NT5DC3: variants seen among roughly 807,000 people sequenced by gnomAD.
The protein encoded by NT5DC3 is 5'-nucleotidase domain-containing protein 3.
A neutral mutation model predicts 67.8 loss-of-function variants in NT5DC3; 42 were observed. That is an observed-to-expected ratio of 0.62 (90% CI 0.48 to 0.80). The LOEUF is 0.80. Among genes scored for constraint, NT5DC3 ranks in the 30% least tolerant of loss-of-function variants. NT5DC3 has a pLI of 0.00. For missense variants in NT5DC3, 570 were observed against 696.4 expected, an observed-to-expected ratio of 0.82 and a Z score of 2.04; for synonymous variants, 237 against 255.6, an observed-to-expected ratio of 0.93 and a Z score of 0.69.
At chr12:103,837,476 A>C (rs1393835146) in intron 1 of NT5DC3, among the ~76,000 whole-genome samples, 2 of 152,206 alleles carry the variant, frequency 1.3e-5, no homozygotes, top group African/African-American at 4.8e-5. Flanking sequence ...TCAGCCTGCA[A>C]ATTTTCGGAG....
At chr12:103,820,701 A>C (rs957103899) in intron 1 of NT5DC3, 7 of 152,178 alleles carry the variant, frequency 4.6e-5, no homozygotes, top group African/African-American at 1.7e-4. Flanking sequence ...AATGTTTTAA[A>C]AAAATATGAT....
the NT5DC3 span, among the ~76,000 whole-genome samples, chr12:103,756,198 G>A: frequency 2.0e-5 from 3 of 152,294 alleles, no homozygotes; most frequent in Non-Finnish European, 2.9e-5. Context: ...GTCAATTTGC[G>A]TCTTGCACTG....
chr12:103,765,973 T>A (rs1191284119), downstream of NT5DC3: 5 of 467,512 alleles, frequency 1.1e-5, no homozygotes, highest in Non-Finnish European at 2.0e-5. Flanking sequence ...TTGCTAAATG[T>A]AGGCTCTAAT....
intron 1 of NT5DC3, among the ~76,000 whole-genome samples, chr12:103,824,443 A>T (rs1041283938): frequency 5.3e-5 from 8 of 152,144 alleles, no homozygotes; most frequent in Admixed American, 2.0e-4. Flanking sequence ...ATCCTTATGT[A>T]AGAAGTGACT....
intron 11 of NT5DC3, 118 bp downstream of exon 11, chr12:103,787,323 G>A (rs934829297): frequency 3.0e-5 from 14 of 464,274 alleles, no homozygotes; most frequent in Non-Finnish European, 4.8e-5. Flanking sequence ...GCATAAAGAT[G>A]ACCTTAAATA....
intron 12 of NT5DC3, among the ~76,000 whole-genome samples, chr12:103,784,347 A>C (rs1478290506): frequency 2.6e-5 from 4 of 152,350 alleles, no homozygotes; most frequent in African/African-American, 7.2e-5. Context: ...CCTGGAAACA[A>C]GGCCCAGGGG....
chr12:103,824,209 T>C (rs1887599612), intron 1 of NT5DC3, among the ~76,000 whole-genome samples: 2 of 152,210 alleles, frequency 1.3e-5, no homozygotes, highest in African/African-American at 4.8e-5. Context: ...AAGGCCAAGG[T>C]TGAGATGACA....
chr12:103,760,449 T>TG, the NT5DC3 span, among the ~76,000 whole-genome samples: 1 of 152,118 alleles, frequency 6.6e-6, no homozygotes, highest in African/African-American at 2.4e-5. Flanking sequence ...TTAATAGAGA[T>TG]GGGGTTTTGC....
intron 1 of NT5DC3, among the ~76,000 whole-genome samples, chr12:103,833,762 G>C (rs948228569): frequency 6.6e-6 from 1 of 151,530 alleles, no homozygotes; most frequent in African/African-American, 2.4e-5. Flanking sequence ...TATAAGGTTG[G>C]AGCAACCCGT....
chr12:103,787,073 C>T (rs571314539), intron 11 of NT5DC3, among the ~76,000 whole-genome samples: 16 of 152,154 alleles, frequency 1.1e-4, no homozygotes, highest in South Asian at 4.2e-4. Context: ...ATATTCCCAA[C>T]GGTGGCAAAC....
intron 1 of NT5DC3, among the ~76,000 whole-genome samples, chr12:103,823,023 C>T (rs1202310239): frequency 2.0e-5 from 3 of 152,018 alleles, no homozygotes; most frequent in Admixed American, 6.6e-5. Flanking sequence ...CTTGAAAATC[C>T]TTAAAAGTTC....
chr12:103,807,954 G>C (rs113337115), intron 2 of NT5DC3, among the ~76,000 whole-genome samples: 2 of 152,060 alleles, frequency 1.3e-5, no homozygotes, highest in African/African-American at 2.4e-5. Context: ...TAAATTACCC[G>C]GCCTTGGGTA....
chr12:103,799,376 T>A (rs1340833913), intron 4 of NT5DC3, among the ~76,000 whole-genome samples: 1 of 152,176 alleles, frequency 6.6e-6, no homozygotes, highest in Non-Finnish European at 1.5e-5. Context: ...CCGGAGCTGT[T>A]TCCCCCATGC....
At chr12:103,763,781 T>C in the NT5DC3 span, 27 of 585,116 alleles carry the variant, frequency 4.6e-5, no homozygotes, top group Admixed American at 1.3e-4. Context: ...GTGTGGTTGC[T>C]CAGAGTTCCT....
chr12:103,783,277 C>G (rs887789586), intron 12 of NT5DC3, among the ~76,000 whole-genome samples: 4 of 152,138 alleles, frequency 2.6e-5, no homozygotes, highest in African/African-American at 4.8e-5. Flanking sequence ...TGAATCCAAC[C>G]TGACAGAACT....
At chr12:103,817,231 A>T (rs1253040011) in intron 1 of NT5DC3, among the ~76,000 whole-genome samples, 1 of 152,170 alleles carries the variant, frequency 6.6e-6, no homozygotes, top group African/African-American at 2.4e-5. Flanking sequence ...TCAAAGACTG[A>T]GCAATAGATT....
chr12:103,821,132 A>G (rs982833438), intron 1 of NT5DC3, among the ~76,000 whole-genome samples: 1 of 152,196 alleles, frequency 6.6e-6, no homozygotes, highest in Non-Finnish European at 1.5e-5. Context: ...CTACAACATG[A>G]AGTGGAGGCT....
chr12:103,758,226 G>T, the NT5DC3 span: 16 of 1,614,144 alleles, frequency 9.9e-6, no homozygotes, highest in Non-Finnish European at 1.4e-5. Context: ...TAGAACACCT[G>T]ACTGACCTGT....
downstream of NT5DC3, among the ~76,000 whole-genome samples, chr12:103,769,169 C>A (rs1885128863): frequency 6.6e-6 from 1 of 152,128 alleles, no homozygotes; most frequent in Admixed American, 6.5e-5. Context: ...ATTCCACTGG[C>A]ACAGGCAAAG....
Sources: gnomAD v4.1 joint callset for allele counts (sites outside exome capture counted in the v4.1 genomes callset) on GRCh38, gnomAD v4.1.1 for gene constraint, MANE v1.5 for transcripts, NCBI Gene and HGNC (gene_info 2026-07-23, HGNC 2026-07-21) for gene names.